The following TM9SF3 variants were observed in gnomAD, a reference collection of about 807,000 sequenced individuals.
TM9SF3 encodes the protein SM-11044-binding protein.
In TM9SF3, 14 loss-of-function variants were observed where a neutral mutation model predicts 78.6. That is an observed-to-expected ratio of 0.18 (90% CI 0.12 to 0.28). The LOEUF (loss-of-function observed/expected upper bound fraction) is 0.28. Ranked by LOEUF, TM9SF3 falls within the 10% of genes least tolerant of loss-of-function variation. The probability of loss-of-function intolerance (pLI) is 1.00; values close to 1 mark genes in which losing one functional copy is unlikely to be tolerated. For synonymous variants in TM9SF3, 231 were observed against 241.7 expected, an observed-to-expected ratio of 0.96 and a Z score of 0.41; for missense variants, 496 against 721.9, an observed-to-expected ratio of 0.69 and a Z score of 3.59.
At chr10:96,527,914 C>T in intron 12 of TM9SF3, 117 bp downstream of exon 12, 3 of 1,025,598 alleles carry the variant, frequency 2.9e-6, no homozygotes, top group African/African-American at 1.7e-5. Context: ...AATCCCTATG[C>T]TATTTTAAGT....
intron 4 of TM9SF3, chr10:96,560,492 G>C: frequency 1.3e-6 from 1 of 750,320 alleles, no homozygotes; most frequent in Non-Finnish European, 2.4e-6. Flanking sequence ...TATGGTTGAA[G>C]TGTGGTTCAG....
intron 7 of TM9SF3, among the ~76,000 whole-genome samples, chr10:96,548,797 CAAAAA>C (rs5787196): frequency 3.1e-4 from 18 of 58,466 alleles, no homozygotes; most frequent in African/African-American, 5.9e-4. Context: ...GACTCCATCT[CAAAAA>C]AAAAAAAAAA....
chr10:96,568,245 T>C (rs1298701942), intron 2 of TM9SF3, among the ~76,000 whole-genome samples: 4 of 152,230 alleles, frequency 2.6e-5, no homozygotes, highest in African/African-American at 9.6e-5. Context: ...TGTGTATGAA[T>C]ATGCCAAATC....
intron 9 of TM9SF3, among the ~76,000 whole-genome samples, chr10:96,541,542 C>A (rs183654203): frequency 6.6e-6 from 1 of 152,186 alleles, no homozygotes; most frequent in Non-Finnish European, 1.5e-5. Context: ...CACTACCATG[C>A]CCAGCTAATT....
chr10:96,560,107 C>CT (rs1848286937), intron 4 of TM9SF3: 1 of 657,258 alleles, frequency 1.5e-6, no homozygotes, highest in Non-Finnish European at 2.8e-6. Flanking sequence ...TAATTCTGTC[C>CT]TGCGTGGCTG....
intron 14 of TM9SF3, among the ~76,000 whole-genome samples, chr10:96,522,620 A>C (rs542950334): frequency 6.6e-5 from 10 of 152,056 alleles, no homozygotes; most frequent in Admixed American, 2.6e-4. Context: ...AGCAAGAATA[A>C]TTTGATAATG....
chr10:96,538,810 G>A (rs373563986), intron 9 of TM9SF3, among the ~76,000 whole-genome samples: 13 of 152,208 alleles, frequency 8.5e-5, no homozygotes, highest in Admixed American at 2.6e-4. Context: ...AATTAAAACC[G>A]AAAGACAGCA....
intron 8 of TM9SF3, among the ~76,000 whole-genome samples, chr10:96,544,662 T>C (rs1041297882): frequency 6.6e-5 from 10 of 152,120 alleles, no homozygotes; most frequent in African/African-American, 2.4e-4. Flanking sequence ...ACCAGAACAA[T>C]TACATTTTCA....
At chr10:96,553,211 G>T in intron 5 of TM9SF3, 152 bp from the exon 6 acceptor site, 2 of 743,450 alleles carry the variant, frequency 2.7e-6, no homozygotes, top group East Asian at 3.1e-5. Flanking sequence ...ACACTTTGAG[G>T]ATGAGTATTC....
At chr10:96,558,040 T>C (rs778489717) in intron 5 of TM9SF3, among the ~76,000 whole-genome samples, 5 of 152,102 alleles carry the variant, frequency 3.3e-5, no homozygotes, top group Non-Finnish European at 7.3e-5. Context: ...TCAATTAATA[T>C]GTGTTGAAGT....
At chr10:96,580,487 C>T (rs577772113) in intron 1 of TM9SF3, among the ~76,000 whole-genome samples, 4 of 152,210 alleles carry the variant, frequency 2.6e-5, no homozygotes, top group African/African-American at 9.6e-5. Flanking sequence ...AGGACGGTCT[C>T]GATCTCCTGA....
rs924800634 is a variant in TM9SF3, at chr10:96,520,750, G to A, written c.*1513C>T. On this transcript the variant is annotated 3_prime_UTR_variant, in exon 15 of 15. Transcript: ENST00000371142. ...CTTTTACCCCATCCCCACTTTACAC[G>A]GTACACCAACCTGAACAGATTTTGT... The A allele has an allele frequency of 2.5e-6, 1 of 393,190 alleles. No individual in the cohort carries two copies. Among genetic ancestry groups the A allele is most frequent in the Non-Finnish European group, 4.5e-6 (1 of 222,188 alleles). The allele number at this position is 393,190 out of a possible 1,614,324, so 24.4% of individuals were successfully genotyped here.
chr10:96,582,839 G>C (rs1348387521), intron 1 of TM9SF3, among the ~76,000 whole-genome samples: 1 of 151,986 alleles, frequency 6.6e-6, no homozygotes, highest in Non-Finnish European at 1.5e-5. Context: ...CAGCACTTTG[G>C]GAGGCCGAGG....
In TM9SF3 at chr10:96,521,086, C is replaced by T. The variant is rs1017400569; in HGVS notation, c.*1177G>A. 5.2e-6 allele frequency: 2 copies of T among 386,532 alleles called. No individual in the cohort carries two copies. The highest frequency in any genetic ancestry group is 9.2e-6 in the Non-Finnish European group (2 of 217,908). 23.9% of individuals were successfully genotyped at this position (386,532 alleles called of 1,614,324 possible). ...AACAAAATTAAGTGTCTCTAAATTACAAATTTGGCTCCTGTAGGAGTCTCA... is the reference window on the plus strand; with the variant it reads ...AACAAAATTAAGTGTCTCTAAATTATAAATTTGGCTCCTGTAGGAGTCTCA... On this transcript the variant is annotated 3_prime_UTR_variant, in exon 15 of 15. Coordinates refer to ENST00000371142, the MANE Select transcript of TM9SF3 (RefSeq NM_020123.4).
intron 9 of TM9SF3, among the ~76,000 whole-genome samples, chr10:96,535,636 T>C (rs1035281992): frequency 4.6e-5 from 7 of 152,200 alleles, no homozygotes; most frequent in Admixed American, 3.9e-4. Flanking sequence ...CAAATTAATA[T>C]GGGGCTCTCC....
chr10:96,530,956 CA>C (rs909527961), intron 10 of TM9SF3, among the ~76,000 whole-genome samples: 3 of 152,130 alleles, frequency 2.0e-5, no homozygotes, highest in African/African-American at 4.8e-5. Context: ...CACAAAAAGC[CA>C]AAGGGAAAGA....
Position 96,562,113 on chromosome 10 carries a change from A to G in TM9SF3, c.447T>C (p.Asn149=), listed in dbSNP as rs1454434544. 6.2e-7 allele frequency: 1 copy of G among 1,612,188 alleles called. No homozygotes were observed. Among genetic ancestry groups the G allele is most frequent in the East Asian group, 2.2e-5 (1 of 44,788 alleles). Reference sequence around the variant, plus strand: ...AGGTCCAAAGATAGTAATCTTCTCCATTTTCATCAGCCTCACCAACAATAC... The same window carrying G: ...AGGTCCAAAGATAGTAATCTTCTCCGTTTTCATCAGCCTCACCAACAATAC... ...IWGIVGEADE[N]GEDYYLWTYK... The change falls in exon 4 of 15, where the codon AAT becomes AAC. Residue 149 remains asparagine (N), a synonymous_variant. Coordinates refer to ENST00000371142, the MANE Select transcript of TM9SF3 (RefSeq NM_020123.4).
At chr10:96,574,161 T>C (rs530524805) in intron 2 of TM9SF3, among the ~76,000 whole-genome samples, 128 of 152,284 alleles carry the variant, frequency 8.4e-4, no homozygotes, top group Non-Finnish European at 1.5e-3. Flanking sequence ...AGAAAATTTT[T>C]GCAATCAATC....
intron 7 of TM9SF3, among the ~76,000 whole-genome samples, chr10:96,550,441 A>C (rs538560310): frequency 6.6e-6 from 1 of 152,122 alleles, no homozygotes; most frequent in East Asian, 1.9e-4. Flanking sequence ...GAAAGAGTGC[A>C]TTATGAACTA....
Sources: gnomAD v4.1 joint callset for allele counts (sites outside exome capture counted in the v4.1 genomes callset) on GRCh38, gnomAD v4.1.1 for gene constraint, MANE v1.5 for transcripts, NCBI Gene and HGNC (gene_info 2026-07-23, HGNC 2026-07-21) for gene names.